Variants in LRBA observed in about 807,000 individuals in gnomAD.
LRBA encodes lipopolysaccharide-responsive and beige-like anchor protein.
Under a neutral mutation model 330.0 loss-of-function variants are expected in LRBA, and 176 were observed. The ratio of observed to expected loss-of-function variants is 0.53; its 90% CI spans 0.47 to 0.60. LRBA has a LOEUF of 0.60. Among genes scored for constraint, LRBA ranks in the 20% least tolerant of loss-of-function variants. The probability of loss-of-function intolerance (pLI) is 0.00; values close to 1 mark genes in which losing one functional copy is unlikely to be tolerated. For synonymous variants in LRBA, 1,230 were observed against 1,193.0 expected (o/e 1.03, Z -0.64); for missense variants, 3,259 against 3,444.8 (o/e 0.95, Z 1.35).
rs766006426 is a variant in LRBA, at chr4:150,490,903, T to C, written c.6448+15A>G. The C allele has an allele frequency of 4.1e-6, 6 of 1,469,308 alleles. No individual in the cohort carries two copies. Among genetic ancestry groups the C allele is most frequent in the Non-Finnish European group, 5.7e-6 (6 of 1,053,354 alleles). The allele number at this position is 1,469,308 out of a possible 1,614,324, so 91.0% of individuals were successfully genotyped here. On this transcript the variant is annotated intron_variant, in intron 41 of 56. Coordinates refer to ENST00000651943, the MANE Select transcript of LRBA (RefSeq NM_001364905.1). ...GAAGTTAGCTCTGTAACAACGTATT[T>C]CTGTAACACATTACCTCTGTTTGCC... is the stretch of plus-strand genomic sequence containing the variant.
At chr4:150,703,859 A>C (rs934805345) in intron 36 of LRBA, among the ~76,000 whole-genome samples, 4 of 152,036 alleles carry the variant, frequency 2.6e-5, no homozygotes, top group African/African-American at 9.7e-5. Flanking sequence ...TAGCCCAAAA[A>C]AAAAAAAGAA....
At chr4:150,782,514 C>T (rs1738395542) in intron 34 of LRBA, among the ~76,000 whole-genome samples, 1 of 152,180 alleles carries the variant, frequency 6.6e-6, no homozygotes, top group South Asian at 2.1e-4. Context: ...TGTCAGCATT[C>T]CTTGGCTTGT....
chr4:150,849,771 G>A (rs1245024385), intron 24 of LRBA, among the ~76,000 whole-genome samples, 196 bp from the exon 25 acceptor site: 3 of 152,128 alleles, frequency 2.0e-5, no homozygotes, highest in Non-Finnish European at 4.4e-5. Flanking sequence ...TACTATCCAT[G>A]CCCTCCTTCA....
At chr4:150,648,264 AC>A (rs1779393094) in intron 37 of LRBA, among the ~76,000 whole-genome samples, 1 of 151,730 alleles carries the variant, frequency 6.6e-6, no homozygotes, top group Admixed American at 6.6e-5. Flanking sequence ...TCATAAATAA[AC>A]AAAAATTGTA....
At chr4:150,449,330 A>G (rs1753057634) in intron 44 of LRBA, among the ~76,000 whole-genome samples, 1 of 152,044 alleles carries the variant, frequency 6.6e-6, no homozygotes, top group Non-Finnish European at 1.5e-5. Flanking sequence ...TACTACTGGG[A>G]GAAGGATAGG....
intron 47 of LRBA, among the ~76,000 whole-genome samples, chr4:150,376,838 G>C (rs1741410396): frequency 1.3e-5 from 2 of 152,004 alleles, no homozygotes; most frequent in South Asian, 4.1e-4. Flanking sequence ...CTAGGAGTTT[G>C]TTTTTAATGC....
intron 47 of LRBA, among the ~76,000 whole-genome samples, chr4:150,395,638 C>T (rs950537589): frequency 6.6e-6 from 1 of 152,016 alleles, no homozygotes; most frequent in Non-Finnish European, 1.5e-5. Context: ...GAGAAAGTAC[C>T]AACTCCTCAG....
intron 44 of LRBA, among the ~76,000 whole-genome samples, chr4:150,457,195 T>G (rs907268527): frequency 4.6e-5 from 7 of 152,110 alleles, no homozygotes; most frequent in African/African-American, 1.7e-4. Context: ...AATGATAAAT[T>G]TTGGATTCAC....
intron 35 of LRBA, among the ~76,000 whole-genome samples, chr4:150,746,397 C>T (rs1265075170): frequency 6.6e-6 from 1 of 152,100 alleles, no homozygotes; most frequent in Middle Eastern, 3.2e-3. Flanking sequence ...TATCCAGTTA[C>T]TGAAGCTAGA....
chr4:150,563,913 T>C (rs528580046), intron 40 of LRBA, among the ~76,000 whole-genome samples: 19 of 152,312 alleles, frequency 1.2e-4, no homozygotes, highest in Admixed American at 8.5e-4. Flanking sequence ...GAACATTCCA[T>C]GCTCATGGAT....
chr4:150,912,757 G>A (rs1560996651), intron 9 of LRBA, among the ~76,000 whole-genome samples: 1 of 151,960 alleles, frequency 6.6e-6, no homozygotes, highest in East Asian at 1.9e-4. Context: ...AACTTTATTT[G>A]TTGTTCTTTT....
chr4:150,637,467 G>C (rs546662755), intron 37 of LRBA, among the ~76,000 whole-genome samples: 1 of 152,246 alleles, frequency 6.6e-6, no homozygotes, highest in South Asian at 2.1e-4. Context: ...TCATGGTCTT[G>C]ACAATCCCTC....
chr4:150,266,825 C>T (rs1458717116), intron 56 of LRBA, among the ~76,000 whole-genome samples: 1 of 152,142 alleles, frequency 6.6e-6, no homozygotes, highest in African/African-American at 2.4e-5. Context: ...AGGAGACCCA[C>T]TTGAGATCTA....
At chr4:150,349,626 T>C (rs954351606) in intron 48 of LRBA, among the ~76,000 whole-genome samples, 8 of 152,196 alleles carry the variant, frequency 5.3e-5, no homozygotes, top group African/African-American at 1.7e-4. Context: ...CATATAAATA[T>C]GTGTTTTATC....
intron 44 of LRBA, among the ~76,000 whole-genome samples, chr4:150,457,299 A>C (rs1170846796): frequency 6.6e-6 from 1 of 152,100 alleles, no homozygotes; most frequent in African/African-American, 2.4e-5. Context: ...AATGTTTTAA[A>C]TATAACATGC....
intron 36 of LRBA, among the ~76,000 whole-genome samples, chr4:150,725,661 T>A (rs1330107163): frequency 1.3e-5 from 2 of 152,110 alleles, no homozygotes; most frequent in Admixed American, 1.3e-4. Context: ...ATCTCACTGG[T>A]AATAGTAAGC....
At chr4:150,794,703 A>T (rs1317123073) in intron 34 of LRBA, among the ~76,000 whole-genome samples, 1 of 152,168 alleles carries the variant, frequency 6.6e-6, no homozygotes, top group Admixed American at 6.5e-5. Context: ...TTTTTAAAGA[A>T]TAATCAGCCT....
chr4:150,639,447 A>G (rs953324692), intron 37 of LRBA, among the ~76,000 whole-genome samples: 3 of 149,912 alleles, frequency 2.0e-5, no homozygotes, highest in African/African-American at 7.3e-5. Context: ...TAATCTATCT[A>G]AAAATAATGC....
chr4:150,887,291 T>C (rs892216868), intron 17 of LRBA, among the ~76,000 whole-genome samples: 3 of 152,122 alleles, frequency 2.0e-5, no homozygotes, highest in African/African-American at 7.2e-5. Flanking sequence ...ATCAAGTTTA[T>C]TATACATATC....
Sources: allele counts gnomAD v4.1 joint callset (sites outside exome capture counted in the v4.1 genomes callset), GRCh38; gene constraint gnomAD v4.1.1; transcripts MANE v1.5; gene names NCBI Gene and HGNC (gene_info 2026-07-23, HGNC 2026-07-21).